PLAU: variants seen among roughly 807,000 people sequenced by gnomAD.
PLAU encodes the protein plasminogen activator, urokinase.
A neutral mutation model predicts 48.9 loss-of-function variants in PLAU; 32 were observed. The observed-to-expected ratio is 0.65, with a 90% CI of 0.49 to 0.88. The LOEUF (loss-of-function observed/expected upper bound fraction) is 0.88. PLAU is among the 40% of genes least tolerant of loss of function. The pLI is 0.00. For missense variants in PLAU, 455 were observed against 545.2 expected, an observed-to-expected ratio of 0.83 and a Z score of 1.65; for synonymous variants, 199 against 205.7, an observed-to-expected ratio of 0.97 and a Z score of 0.28.
chr10:73,909,890 G>C (rs968832165), upstream of PLAU: 1 of 12,960 alleles, frequency 7.7e-5, no homozygotes, highest in African/African-American at 4.9e-4. Context: ...CCAGAGATGC[G>C]TGTGTGTGTG....
Position 73,913,686 on chromosome 10 carries a change from G to T in PLAU, c.608G>T (p.Gly203Val). The T allele has an allele frequency of 6.2e-7, 1 of 1,613,560 alleles. No homozygotes were observed. The highest frequency in any genetic ancestry group is 8.5e-7 in the Non-Finnish European group (1 of 1,179,800). ...GCCATCTACAGGAGGCACCGGGGGG[G>T]CTCTGTCACCTACGTGTGTGGAGGC... ...FAAIYRRHRG[G>V]SVTYVCGGSL... is the part of the protein sequence containing the mutation. The change falls in exon 7 of 11, where the codon GGC (glycine) becomes GTC (valine). Residue 203 changes from glycine to valine, a missense_variant. Transcript: ENST00000372764.
At chr10:73,911,258 G>A (rs1038367296) in intron 1 of PLAU, 40 bp downstream of exon 1, 5 of 474,888 alleles carry the variant, frequency 1.1e-5, no homozygotes, top group Middle Eastern at 5.6e-4. Context: ...CCGGATGCGC[G>A]GCGGCCCCAG....
chr10:73,911,971 A>C, intron 2 of PLAU, 70 bp from the exon 3 acceptor site: 4 of 1,614,118 alleles, frequency 2.5e-6, no homozygotes, highest in Non-Finnish European at 3.4e-6. Flanking sequence ...GATTGGGGCC[A>C]GTTTACCCTC....
At chr10:73,916,330 G>A (rs188929828) in intron 10 of PLAU, 59 bp from the exon 11 acceptor site, 120 of 1,465,734 alleles carry the variant, frequency 8.2e-5, no homozygotes, top group African/African-American at 5.6e-4. Context: ...TGGGTGATGG[G>A]ATCAGAAATC....
At chr10:73,913,147 A>G in intron 5 of PLAU, 49 bp downstream of exon 5, 1 of 1,595,498 alleles carries the variant, frequency 6.3e-7, no homozygotes, top group Non-Finnish European at 8.6e-7. Context: ...AGCTTCCCAG[A>G]AACCTTGTTA....
upstream of PLAU, chr10:73,909,112 G>A (rs1471291491): frequency 1.3e-5 from 2 of 152,208 alleles, no homozygotes; most frequent in Non-Finnish European, 2.9e-5. Context: ...GGGGAGAAAG[G>A]GTGTCACGCT....
chr10:73,911,039 G>A (rs1186112392), upstream of PLAU: 1 of 155,718 alleles, frequency 6.4e-6, no homozygotes, highest in African/African-American at 2.4e-5. Flanking sequence ...CCGGGTCGCT[G>A]AGCGCTGCAA....
intron 1 of PLAU, 31 bp downstream of exon 1, chr10:73,911,249 C>T: frequency 2.2e-6 from 1 of 462,164 alleles, no homozygotes; most frequent in Non-Finnish European, 3.8e-6. Flanking sequence ...ATCCCCGGGC[C>T]GGATGCGCGG....
chr10:73,916,229 C>T (rs930448435), intron 10 of PLAU, among the ~76,000 whole-genome samples, 160 bp from the exon 11 acceptor site: 6 of 152,206 alleles, frequency 3.9e-5, no homozygotes, highest in East Asian at 1.9e-4. Context: ...GGCGACAGAG[C>T]GAGATTCTGT....
At chr10:73,912,154 G>A in intron 3 of PLAU, 61 bp from the exon 4 acceptor site, 3 of 1,613,126 alleles carry the variant, frequency 1.9e-6, no homozygotes, top group Non-Finnish European at 2.5e-6. Context: ...TCTGCTGCAG[G>A]GCTGCGCCAC....
Position 73,913,388 on chromosome 10 carries a change from A to C in PLAU, c.460+7A>C. 1 of 1,611,546 alleles carries C rather than the reference A, an allele frequency of 6.2e-7. No homozygotes were observed. Among genetic ancestry groups the C allele is most frequent in the Admixed American group, 1.7e-5 (1 of 60,016 alleles). Reference sequence around the variant, plus strand: ...GTGCATGACTGCGCAGATGGTGAGCATCACTGACCTGCTGATGACAGTGGG... The same window carrying C: ...GTGCATGACTGCGCAGATGGTGAGCCTCACTGACCTGCTGATGACAGTGGG... On this transcript the variant is annotated splice_region_variant and intron_variant, in intron 6 of 10. Transcript: ENST00000372764.
chr10:73,912,306 G>C lies in PLAU; in HGVS notation c.177G>C (p.Gly59=). The change falls in exon 4 of 11, where the codon GGG becomes GGC. Residue 59 remains glycine, a synonymous_variant. Coordinates refer to ENST00000372764, the MANE Select transcript of PLAU (RefSeq NM_002658.6). ...GCAACTGCCCAAAGAAATTCGGAGGGCAGCACTGTGAAATAGGTATGGGGA... is the reference window on the plus strand; with the variant it reads ...GCAACTGCCCAAAGAAATTCGGAGGCCAGCACTGTGAAATAGGTATGGGGA... The part of the protein sequence containing the change: ...HWCNCPKKFG[G]QHCEIDKSKT... 7.5e-6 allele frequency: 12 copies of C among 1,594,362 alleles called. No homozygotes were observed. The highest frequency in any genetic ancestry group is 9.4e-6 in the Non-Finnish European group (11 of 1,170,268).
Position 73,916,382 on chromosome 10 carries a change from G to T in PLAU, c.1120-7G>T, listed in dbSNP as rs753867816. 4 of 1,611,060 alleles carry T rather than the reference G, an allele frequency of 2.5e-6. No individual in the cohort carries two copies. In the East Asian group the frequency reaches 8.9e-5, roughly 36 times the overall value. ...AGGGCTCATCTTTTGTATCTTTGGCGTCACAGGGAGACTCAGGGGGACCCC... is the reference window on the plus strand; with the variant it reads ...AGGGCTCATCTTTTGTATCTTTGGCTTCACAGGGAGACTCAGGGGGACCCC... On this transcript the variant is annotated splice_polypyrimidine_tract_variant and splice_region_variant and intron_variant, in intron 10 of 10. Transcript: ENST00000372764.
chr10:73,908,856 T>C (rs2096119568), upstream of PLAU, among the ~76,000 whole-genome samples: 1 of 49,512 alleles, frequency 2.0e-5, no homozygotes, highest in Non-Finnish European at 3.4e-5. Context: ...AGACTCCGTC[T>C]CAAAAAAAAA....
rs563635073 is a variant in PLAU, at chr10:73,912,857, A to T, written c.194-67A>T. 8.8e-5 allele frequency: 123 copies of T among 1,391,704 alleles called. 1 individual carries two copies. The African/African-American group carries it at 1.5e-3, about 16-fold the overall frequency. 86.2% of individuals were successfully genotyped at this position (1,391,704 alleles called of 1,614,324 possible). On this transcript the variant is annotated intron_variant, in intron 4 of 10. Transcript: ENST00000372764. ...AGAGCAAGACTCCATCTCAAAAAAA[A>T]AAAATAAAAGTTAGTTGGAATGTTC...
At chr10:73,913,861 C>A in intron 7 of PLAU, 103 bp downstream of exon 7, 1 of 1,373,124 alleles carries the variant, frequency 7.3e-7, no homozygotes, top group Non-Finnish European at 1.0e-6. Flanking sequence ...CCTCATCTGC[C>A]CCTGTCCATG....
chr10:73,914,805 A>C lies in PLAU; in HGVS notation c.859A>C (p.Arg287=). The C allele has an allele frequency of 6.2e-6, 10 of 1,614,088 alleles. No homozygotes were observed. Among genetic ancestry groups the C allele is most frequent in the Non-Finnish European group, 8.5e-6 (10 of 1,179,968 alleles). Residue 287 remains arginine, a synonymous_variant, in exon 9 of 11, where the codon AGG becomes CGG. Coordinates refer to ENST00000372764, the MANE Select transcript of PLAU (RefSeq NM_002658.6). The part of the protein sequence containing the change: ...ALLKIRSKEG[R]CAQPSRTIQT... ...GCTGAAGATCCGTTCCAAGGAGGGC[A>C]GGTGTGCGCAGCCATCCCGGACTAT... is the stretch of plus-strand genomic sequence containing the variant.
Position 73,916,503 on chromosome 10 carries a change from G to T in PLAU, c.1234G>T (p.Val412Phe). The T allele has an allele frequency of 6.2e-7, 1 of 1,614,030 alleles. No homozygotes were observed. Among genetic ancestry groups the T allele is most frequent in the Non-Finnish European group, 8.5e-7 (1 of 1,179,972 alleles). Residue 412 changes from valine (V) to phenylalanine (F), a missense_variant, in exon 11 of 11, where the codon GTC becomes TTC. Transcript: ENST00000372764. ...GGACAAGCCAGGCGTCTACACGAGA[G>T]TCTCACACTTCTTACCCTGGATCCG... is the stretch of plus-strand genomic sequence containing the variant. ...LKDKPGVYTR[V>F]SHFLPWIRSH...
Position 73,913,771 on chromosome 10 carries a change from G to A in PLAU, c.680+13G>A, listed in dbSNP as rs2096130181. On this transcript the variant is annotated intron_variant, in intron 7 of 10. Transcript: ENST00000372764. The stretch of plus-strand genomic sequence containing the variant: ...CACACTGCTTCATGTACGGCCCTGG[G>A]TTTCTCCTCTTCGACTCTTCTGCCC... The A allele has an allele frequency of 1.3e-6, 2 of 1,568,340 alleles. No homozygotes were observed. The highest frequency in any genetic ancestry group is 2.7e-5 in the African/African-American group (2 of 73,180).
Sources: gnomAD v4.1 joint callset for allele counts (sites outside exome capture counted in the v4.1 genomes callset) on GRCh38, gnomAD v4.1.1 for gene constraint, MANE v1.5 for transcripts, NCBI Gene and HGNC (gene_info 2026-07-23, HGNC 2026-07-21) for gene names.